Variants in NECTIN4 observed in about 807,000 individuals in gnomAD.
NECTIN4 encodes nectin cell adhesion molecule 4, also known as nectin-4.
In NECTIN4, 19 loss-of-function variants were observed where a neutral mutation model predicts 51.7. That is an observed-to-expected ratio of 0.37 (90% CI 0.26 to 0.54). The LOEUF (loss-of-function observed/expected upper bound fraction) is 0.54, where lower values mean the gene tolerates loss of function less well. Among genes scored for constraint, NECTIN4 ranks in the 20% least tolerant of loss-of-function variants. The pLI is 0.86. For synonymous variants in NECTIN4, 283 were observed against 286.9 expected, an observed-to-expected ratio of 0.99 and a Z score of 0.14; for missense variants, 619 against 662.4, an observed-to-expected ratio of 0.93 and a Z score of 0.72.
At chr1:161,078,474 AT>A (rs1653518458) in intron 2 of NECTIN4, among the ~76,000 whole-genome samples, 1 of 151,502 alleles carries the variant, frequency 6.6e-6, no homozygotes, top group South Asian at 2.1e-4. Flanking sequence ...CACCCAGCTG[AT>A]TTTTGTATTT....
chr1:161,089,515 G>A lies in NECTIN4; in HGVS notation c.-219C>T, dbSNP rs1036825674. ...AAGAAGCCGTGATCGGGAGCTCCGA[G>A]CTCCCCCAGAGCTGCTTCCCACGCT... is the stretch of plus-strand genomic sequence containing the variant. On this transcript the variant is annotated 5_prime_UTR_variant, in exon 1 of 9. Coordinates refer to ENST00000368012, the MANE Select transcript of NECTIN4 (RefSeq NM_030916.3). This position sits in a 1 kb window ranked among gnomAD's most constrained non-coding sequence, Gnocchi z 4.1. 1.7e-6 allele frequency: 1 copy of A among 591,082 alleles called. No individual in the cohort carries two copies. The highest frequency in any genetic ancestry group is 3.0e-6 in the Non-Finnish European group (1 of 329,836). 36.6% of individuals were successfully genotyped at this position (591,082 alleles called of 1,614,324 possible).
intron 2 of NECTIN4, among the ~76,000 whole-genome samples, chr1:161,078,290 G>GTATT (rs61608821): frequency 1.3e-3 from 195 of 150,252 alleles, no homozygotes; most frequent in Non-Finnish European, 1.7e-3. Context: ...TTTATTTTAT[G>GTATT]TATTTATTTA....
At chr1:161,088,925 C>T (rs1017588469) in intron 1 of NECTIN4, among the ~76,000 whole-genome samples, 10 of 152,114 alleles carry the variant, frequency 6.6e-5, no homozygotes, top group Middle Eastern at 3.2e-3. Flanking sequence ...TGGGTCACCA[C>T]GTCTATTCCC....
Position 161,088,304 on chromosome 1 carries a change from T to C in NECTIN4, c.79+914A>G, listed in dbSNP as rs868435368. Reference sequence around the variant, plus strand: ...ACTGTCCTGTCCAGATCAGGCCCTATCTTTTGAAGGAGAAATATTTCTGTT... The same window carrying C: ...ACTGTCCTGTCCAGATCAGGCCCTACCTTTTGAAGGAGAAATATTTCTGTT... On this transcript the variant is annotated intron_variant, in intron 1 of 8. Transcript: ENST00000368012. Among the ~76,000 whole-genome samples the C allele has an allele frequency of 5.8e-4, 88 of 152,106 alleles. 1 individual carries two copies. The highest frequency in any genetic ancestry group is 2.0e-3 in the African/African-American group (82 of 41,402).
intron 4 of NECTIN4, 95 bp downstream of exon 4, chr1:161,076,260 A>G: frequency 7.0e-7 from 1 of 1,419,036 alleles, no homozygotes; most frequent in Non-Finnish European, 9.8e-7. Context: ...TTGGGGGCTC[A>G]GAATATGTTG....
At chr1:161,076,241 C>T in intron 4 of NECTIN4, 114 bp downstream of exon 4, 4 of 1,191,318 alleles carry the variant, frequency 3.4e-6, no homozygotes, top group Non-Finnish European at 4.8e-6. Context: ...AACACATACC[C>T]CAATTTATTT....
chr1:161,084,733 A>T (rs951652236), intron 1 of NECTIN4: 1 of 152,152 alleles, frequency 6.6e-6, no homozygotes, highest in Non-Finnish European at 1.5e-5. Flanking sequence ...TGGCCCCCCA[A>T]GGAGGCCTCT....
intron 8 of NECTIN4, 133 bp downstream of exon 8, chr1:161,073,092 T>C: frequency 1.4e-6 from 1 of 691,260 alleles, no homozygotes. Flanking sequence ...GTAGCAGAGA[T>C]GCGGTGCTGG....
intron 7 of NECTIN4, 36 bp from the exon 8 acceptor site, chr1:161,073,335 C>T (rs1414065068): frequency 1.9e-6 from 3 of 1,568,308 alleles, no homozygotes; most frequent in African/African-American, 2.7e-5. Context: ...TAGAACAGGG[C>T]TCAGCCTCCT....
Position 161,073,247 on chromosome 1 carries a change from T to C in NECTIN4, c.1286A>G (p.Asp429Gly), listed in dbSNP as rs1213269561. Reference protein sequence around the residue: ...RAEGHPDSLKDNSSCSVMSEE... With the variant: ...RAEGHPDSLKGNSSCSVMSEE... ...CACCATCACAGAGCAGCTACTGTTGTCCTTGAGACTATCAGGGTGGCCCTC... is the reference window on the plus strand; with the variant it reads ...CACCATCACAGAGCAGCTACTGTTGCCCTTGAGACTATCAGGGTGGCCCTC... The change falls in exon 8 of 9, where the codon GAC (aspartate) becomes GGC (glycine). Residue 429 changes from aspartate to glycine, a missense_variant. This residue lies in a region of NECTIN4 where 364 missense variants were observed against 415.7 expected (regional missense o/e 0.88). Coordinates refer to ENST00000368012, the MANE Select transcript of NECTIN4 (RefSeq NM_030916.3). The C allele has an allele frequency of 6.2e-7, 1 of 1,613,984 alleles. No homozygotes were observed. Among genetic ancestry groups the C allele is most frequent in the Non-Finnish European group, 8.5e-7 (1 of 1,179,982 alleles).
In NECTIN4 at chr1:161,089,358, T is replaced by C; in HGVS notation, c.-62A>G. The C allele has an allele frequency of 1.3e-6, 2 of 1,487,776 alleles. No homozygotes were observed. The highest frequency in any genetic ancestry group is 1.9e-6 in the Non-Finnish European group (2 of 1,079,324). The allele number at this position is 1,487,776 out of a possible 1,614,324, so 92.2% of individuals were successfully genotyped here. ...CACCGAGATCTCCCTGGGAGCCGGC[T>C]GCAGACTTGAATAAGGAACTGACCC... On this transcript the variant is annotated 5_prime_UTR_variant, in exon 1 of 9. Coordinates refer to ENST00000368012, the MANE Select transcript of NECTIN4 (RefSeq NM_030916.3). The surrounding 1 kb of genome is among the most constrained non-coding windows in gnomAD (Gnocchi z 4.1).
At chr1:161,073,087 A>G in intron 8 of NECTIN4, 138 bp downstream of exon 8, 1 of 681,866 alleles carries the variant, frequency 1.5e-6, no homozygotes, top group Non-Finnish European at 2.5e-6. Flanking sequence ...AAGACGTAGC[A>G]GAGATGCGGT....
At chr1:161,073,017 G>T in intron 8 of NECTIN4, 132 bp from the exon 9 acceptor site, 2 of 988,616 alleles carry the variant, frequency 2.0e-6, no homozygotes, top group Non-Finnish European at 3.1e-6. Flanking sequence ...AAGCATAGGG[G>T]CCCAGAGATC....
rs1338922648 is a variant in NECTIN4, at chr1:161,074,703, G to A, written c.908C>T (p.Pro303Leu). Residue 303 changes from proline (P) to leucine (L), a missense_variant, in exon 5 of 9, where the codon CCC becomes CTC. Pro to Leu is a moderately conservative substitution (Grantham distance 98). Transcript: ENST00000368012. ...GCCGCTGTGCTCAGTGGTCAGTGGG[G>A]GAAAGCCCAAAGTGTCCCCATCCAC... ...VRVDGDTLGFPPLTTEHSGIY... is the reference protein window; with the variant it reads ...VRVDGDTLGFLPLTTEHSGIY... 6.2e-7 allele frequency: 1 copy of A among 1,614,204 alleles called. No homozygotes were observed. Among genetic ancestry groups the A allele is most frequent in the Admixed American group, 1.7e-5 (1 of 60,034 alleles).
chr1:161,084,148 C>T (rs974398224), intron 1 of NECTIN4, among the ~76,000 whole-genome samples: 11 of 152,244 alleles, frequency 7.2e-5, no homozygotes, highest in South Asian at 4.1e-4. Context: ...CTGGTTCAAA[C>T]GCATGTGAGG....
At position 161,072,471 on chromosome 1, in the gene NECTIN4, A is replaced by G. The variant is rs947554482; in HGVS notation, c.*190T>C. 3 of 649,032 alleles carry G rather than the reference A, an allele frequency of 4.6e-6. No homozygotes were observed. The highest frequency in any genetic ancestry group is 3.6e-5 in the African/African-American group (2 of 55,876). The allele number at this position is 649,032 out of a possible 1,614,324, so 40.2% of individuals were successfully genotyped here. Reference sequence around the variant, plus strand: ...TGCACACACACAGTGACCTGCATGCATGGTGGGAGAGACTCAATTGGTGGA... The same window carrying G: ...TGCACACACACAGTGACCTGCATGCGTGGTGGGAGAGACTCAATTGGTGGA... On this transcript the variant is annotated 3_prime_UTR_variant, in exon 9 of 9. Coordinates refer to ENST00000368012, the MANE Select transcript of NECTIN4 (RefSeq NM_030916.3).
rs117845590 is a variant in NECTIN4 at position 161,080,275 on chromosome 1, G to A, written c.80-326C>T. Reference sequence around the variant, plus strand: ...AGTTGCAAGGTGGGAGGCTGTAACAGAACAGGAGACCCAGCCTCTGCCCTC... The same window carrying A: ...AGTTGCAAGGTGGGAGGCTGTAACAAAACAGGAGACCCAGCCTCTGCCCTC... On this transcript the variant is annotated intron_variant, in intron 1 of 8. Transcript: ENST00000368012. Among the ~76,000 whole-genome samples, 46 of 152,302 alleles carry A rather than the reference G, an allele frequency of 3.0e-4. 1 individual carries two copies. The East Asian group carries it at 8.7e-3, about 29-fold the overall frequency.
chr1:161,074,318 C>T lies in NECTIN4; in HGVS notation c.1056G>A (p.Val352=), dbSNP rs1323010770. 6.2e-7 allele frequency: 1 copy of T among 1,613,872 alleles called. No individual in the cohort carries two copies. Among genetic ancestry groups the T allele is most frequent in the East Asian group, 2.2e-5 (1 of 44,864 alleles). ...ACAAGAGTGCGGCGATCACACCCAC[C>T]ACCACCACCGAGGCTGACACTAGGT... ...QVDLVSASVV[V]VGVIAALLFC... Residue 352 remains valine (V), a synonymous_variant, in exon 6 of 9, where the codon GTG becomes GTA. Transcript: ENST00000368012.
chr1:161,086,599 G>T (rs1571163381), intron 1 of NECTIN4, among the ~76,000 whole-genome samples: 1 of 152,300 alleles, frequency 6.6e-6, no homozygotes, highest in East Asian at 1.9e-4. Flanking sequence ...TGGGGGGAGG[G>T]GTGTCTCGTG....
Sources: gnomAD v4.1 joint callset for allele counts (sites outside exome capture counted in the v4.1 genomes callset) on GRCh38, gnomAD v4.1.1 for gene constraint, gnomAD v4.1.1 regional missense constraint, Gnocchi (gnomAD v3.1) non-coding constraint, MANE v1.5 for transcripts, NCBI Gene and HGNC (gene_info 2026-07-23, HGNC 2026-07-21) for gene names.